Variants in TMEM182 observed in about 807,000 individuals in gnomAD.
The protein encoded by TMEM182 is transmembrane protein 182.
In TMEM182, 20 loss-of-function variants were observed where a neutral mutation model predicts 26.8. The ratio of observed to expected loss-of-function variants is 0.75; its 90% CI spans 0.53 to 1.09. TMEM182 has a LOEUF of 1.09. TMEM182 is among the 50% of genes least tolerant of loss of function. The pLI is 0.00. For missense variants in TMEM182, 277 were observed against 275.5 expected, an observed-to-expected ratio of 1.01 and a Z score of -0.04; for synonymous variants, 109 against 102.2, an observed-to-expected ratio of 1.07 and a Z score of -0.40.
upstream of TMEM182, among the ~76,000 whole-genome samples, chr2:102,758,662 G>T (rs1203837188): frequency 6.6e-6 from 1 of 152,110 alleles, no homozygotes; most frequent in African/African-American, 2.4e-5. Context: ...TTGCTCAGGA[G>T]GTCATGTATT....
At chr2:102,797,170 C>G (rs1449026822) in intron 3 of TMEM182, among the ~76,000 whole-genome samples, 1 of 152,182 alleles carries the variant, frequency 6.6e-6, no homozygotes, top group Non-Finnish European at 1.5e-5. Context: ...TCCTATACTT[C>G]TCATTTTGAA....
At chr2:102,780,580 A>G (rs1681123908) in intron 3 of TMEM182, among the ~76,000 whole-genome samples, 2 of 151,956 alleles carry the variant, frequency 1.3e-5, no homozygotes, top group African/African-American at 4.8e-5. Flanking sequence ...CCTCATTTCT[A>G]CCTCTTAGAA....
chr2:102,762,993 A>G (rs906937104), intron 2 of TMEM182, among the ~76,000 whole-genome samples: 8 of 152,128 alleles, frequency 5.3e-5, no homozygotes, highest in South Asian at 2.1e-4. Flanking sequence ...TGTCTATAGC[A>G]TTTTTTCAAG....
intron 3 of TMEM182, among the ~76,000 whole-genome samples, chr2:102,791,135 C>T (rs1299744294): frequency 6.6e-6 from 1 of 152,102 alleles, no homozygotes; most frequent in Admixed American, 6.5e-5. Context: ...GTAATTTCAC[C>T]ATGTTGGCCA....
intron 3 of TMEM182, among the ~76,000 whole-genome samples, chr2:102,783,833 A>T (rs1681273401): frequency 6.6e-6 from 1 of 152,200 alleles, no homozygotes; most frequent in Admixed American, 6.5e-5. Flanking sequence ...ATGTTTCTTG[A>T]TAAGTAAAGA....
chr2:102,761,945 G>T (rs532367028), upstream of TMEM182: 193 of 334,364 alleles, frequency 5.8e-4, 1 homozygote, highest in African/African-American at 3.7e-3. Context: ...ATGGGAGAAA[G>T]ACAGCTCCTC....
chr2:102,774,250 C>CT (rs774047240), intron 3 of TMEM182, among the ~76,000 whole-genome samples: 7,758 of 95,994 alleles, frequency 0.081, 1,188 homozygotes, highest in African/African-American at 0.29. Flanking sequence ...TTCTTTCTTT[C>CT]TTTTTTTTTT....
At chr2:102,767,605 G>C (rs1453597083) in intron 3 of TMEM182, among the ~76,000 whole-genome samples, 1 of 152,036 alleles carries the variant, frequency 6.6e-6, no homozygotes, top group South Asian at 2.1e-4. Flanking sequence ...TGCTTAACTG[G>C]AATTGTTTGT....
At chr2:102,743,981 T>C (rs914678636) in intron 1 of TMEM182, among the ~76,000 whole-genome samples, 6 of 152,192 alleles carry the variant, frequency 3.9e-5, no homozygotes, top group Non-Finnish European at 8.8e-5. Flanking sequence ...CAAAGAGATG[T>C]AGACAAATCC....
chr2:102,740,549 G>C (rs1291537990), intron 1 of TMEM182, among the ~76,000 whole-genome samples: 1 of 152,096 alleles, frequency 6.6e-6, no homozygotes, highest in African/African-American at 2.4e-5. Context: ...ACCCAGTCTT[G>C]GGTATGTCTT....
intron 3 of TMEM182, among the ~76,000 whole-genome samples, chr2:102,794,580 T>G (rs913455844): frequency 6.6e-6 from 1 of 152,244 alleles, no homozygotes; most frequent in Non-Finnish European, 1.5e-5. Context: ...AGAATTTTAG[T>G]TGAAGGTCTT....
intron 3 of TMEM182, among the ~76,000 whole-genome samples, chr2:102,767,605 G>A (rs1453597083): frequency 6.6e-6 from 1 of 152,036 alleles, no homozygotes; most frequent in African/African-American, 2.4e-5. Flanking sequence ...TGCTTAACTG[G>A]AATTGTTTGT....
chr2:102,771,303 C>T lies in TMEM182; in HGVS notation c.331+6876C>T, dbSNP rs530487340. 3.3e-5 allele frequency among the ~76,000 whole-genome samples: 5 copies of T among 152,286 alleles called. No homozygotes were observed. In the East Asian group the frequency reaches 5.8e-4, roughly 18 times the overall value. On this transcript the variant is annotated intron_variant, in intron 3 of 4. Transcript: ENST00000412401. The stretch of plus-strand genomic sequence containing the variant: ...AGCCATCACCACAGACACAGTATCA[C>T]GTTACAGGAGTGGCTGCAGTTCCTG...
chr2:102,804,651 A>C (rs759315777), intron 4 of TMEM182, among the ~76,000 whole-genome samples: 7 of 152,228 alleles, frequency 4.6e-5, no homozygotes, highest in Non-Finnish European at 8.8e-5. Flanking sequence ...GGAGAAAACC[A>C]AAAGCATAGC....
At chr2:102,811,389 C>T (rs1327147972) in intron 4 of TMEM182, among the ~76,000 whole-genome samples, 3 of 152,086 alleles carry the variant, frequency 2.0e-5, no homozygotes, top group Admixed American at 2.0e-4. Flanking sequence ...GCAATATTTG[C>T]TGGGTTTCTG....
intron 3 of TMEM182, among the ~76,000 whole-genome samples, chr2:102,824,651 C>G (rs1047270292): frequency 6.6e-6 from 1 of 151,986 alleles, no homozygotes; most frequent in Non-Finnish European, 1.5e-5. Context: ...AGTGAAACCC[C>G]GTGTCTACTA....
At chr2:102,757,688 A>C (rs960672178), upstream of TMEM182, 3 of 152,152 alleles carry the variant, frequency 2.0e-5, no homozygotes, top group African/African-American at 7.2e-5. Flanking sequence ...GGCCCTGATG[A>C]CTCAGTGTTT....
downstream of TMEM182, among the ~76,000 whole-genome samples, chr2:102,820,188 T>C (rs1223333198): frequency 6.6e-6 from 1 of 152,232 alleles, no homozygotes; most frequent in African/African-American, 2.4e-5. Context: ...TGGAATGTGA[T>C]GAGCCTGTGT....
intron 4 of TMEM182, among the ~76,000 whole-genome samples, chr2:102,808,733 G>C (rs1682438870): frequency 6.6e-6 from 1 of 152,108 alleles, no homozygotes; most frequent in South Asian, 2.1e-4. Context: ...TCATACGATG[G>C]AATAATGCTC....
Sources: gnomAD v4.1 joint callset for allele counts (sites outside exome capture counted in the v4.1 genomes callset) on GRCh38, gnomAD v4.1.1 for gene constraint, MANE v1.5 for transcripts, NCBI Gene and HGNC (gene_info 2026-07-23, HGNC 2026-07-21) for gene names.